Variants in GNA13 observed in about 807,000 individuals in gnomAD.
GNA13 encodes guanine nucleotide-binding protein subunit alpha-13.
GNA13 carries 4 observed loss-of-function variants against 33.5 expected under a neutral mutation model. That is an observed-to-expected ratio of 0.12 (90% CI 0.06 to 0.27). GNA13 has a LOEUF of 0.27. GNA13 is among the 10% of genes least tolerant of loss of function. The pLI is 1.00. For synonymous variants in GNA13, 176 were observed against 183.8 expected, an observed-to-expected ratio of 0.96 and a Z score of 0.34; for missense variants, 319 against 487.2, an observed-to-expected ratio of 0.65 and a Z score of 3.25.
intron 2 of GNA13, among the ~76,000 whole-genome samples, chr17:65,030,627 T>A (rs1269313941): frequency 1.3e-5 from 2 of 152,238 alleles, no homozygotes; most frequent in African/African-American, 4.8e-5. Flanking sequence ...AGAATTTAAT[T>A]GCAGGCCAAT....
intron 1 of GNA13, among the ~76,000 whole-genome samples, chr17:65,054,967 G>C (rs1402060250): frequency 6.8e-6 from 1 of 146,280 alleles, no homozygotes; most frequent in African/African-American, 2.5e-5. Flanking sequence ...GCTGGCTGTG[G>C]TCTAGTGATT....
chr17:65,037,590 A>AG (rs1907294031), intron 2 of GNA13, among the ~76,000 whole-genome samples: 1 of 151,916 alleles, frequency 6.6e-6, no homozygotes, highest in South Asian at 2.1e-4. Flanking sequence ...CACTTCTGCT[A>AG]GGATCTCCTC....
chr17:65,015,347 C>T (rs1420708555), intron 3 of GNA13, among the ~76,000 whole-genome samples: 2 of 152,060 alleles, frequency 1.3e-5, no homozygotes, highest in Non-Finnish European at 2.9e-5. Flanking sequence ...ACCTTCTCCA[C>T]ACTGCTCCTT....
Position 65,056,267 on chromosome 17 carries a change from GC to G in GNA13, c.283+43del, listed in dbSNP as rs773806043. The stretch of plus-strand genomic sequence containing the variant: ...CCGCCCCGCACCCGCCGCCGCCCCA[GC>G]CCCCCTGCCCTTAACCCCCGGCCCC... On this transcript the variant is annotated intron_variant, in intron 1 of 3. Coordinates refer to ENST00000439174, the MANE Select transcript of GNA13 (RefSeq NM_006572.6). 13 of 627,482 alleles carry G rather than the reference GC, an allele frequency of 2.1e-5. 1 individual carries two copies. The highest frequency in any genetic ancestry group is 2.0e-4 in the South Asian group (12 of 60,504). The allele number at this position is 627,482 out of a possible 1,614,324, so 38.9% of individuals were successfully genotyped here.
intron 1 of GNA13, among the ~76,000 whole-genome samples, chr17:65,054,484 TG>T: frequency 6.6e-6 from 1 of 152,238 alleles, no homozygotes; most frequent in Admixed American, 6.5e-5. Context: ...TTTTTGTTTT[TG>T]TTTTTTAATA....
chr17:65,015,708 T>A (rs1279301861), intron 3 of GNA13, among the ~76,000 whole-genome samples: 2 of 147,666 alleles, frequency 1.4e-5, no homozygotes, highest in African/African-American at 5.0e-5. Flanking sequence ...CTGATTCCAG[T>A]GCCAATTCAC....
chr17:65,026,033 A>G (rs1382962960), intron 2 of GNA13, among the ~76,000 whole-genome samples: 3 of 152,078 alleles, frequency 2.0e-5, no homozygotes, highest in Non-Finnish European at 2.9e-5. Flanking sequence ...AAAAAAAATT[A>G]TAAGTAATGT....
intron 2 of GNA13, among the ~76,000 whole-genome samples, chr17:65,047,130 T>C (rs759628500): frequency 8.5e-5 from 13 of 152,190 alleles, no homozygotes; most frequent in Non-Finnish European, 1.6e-4. Flanking sequence ...TTAACGTAAA[T>C]AAACATAAAG....
chr17:65,045,129 A>G (rs1400227343), intron 2 of GNA13, among the ~76,000 whole-genome samples: 1 of 152,130 alleles, frequency 6.6e-6, no homozygotes, highest in Admixed American at 6.5e-5. Flanking sequence ...AATTACATAG[A>G]AGACAGGCAC....
intron 2 of GNA13, among the ~76,000 whole-genome samples, chr17:65,048,538 A>C (rs1907750503): frequency 6.6e-6 from 1 of 152,214 alleles, no homozygotes; most frequent in South Asian, 2.1e-4. Context: ...AAGGTACCTT[A>C]AGTTATAACG....
chr17:65,038,737 T>C (rs1239411706), intron 2 of GNA13, among the ~76,000 whole-genome samples: 3 of 152,294 alleles, frequency 2.0e-5, no homozygotes, highest in East Asian at 1.9e-4. Context: ...CAAAAATACA[T>C]TTAATACATC....
At chr17:65,035,106 T>C (rs1413539721) in intron 2 of GNA13, among the ~76,000 whole-genome samples, 1 of 152,212 alleles carries the variant, frequency 6.6e-6, no homozygotes, top group Non-Finnish European at 1.5e-5. Context: ...AAATTTTAAA[T>C]GTGAGAAAGG....
chr17:65,041,350 G>A (rs1376939252), intron 2 of GNA13, among the ~76,000 whole-genome samples: 6 of 151,580 alleles, frequency 4.0e-5, no homozygotes, highest in Admixed American at 2.0e-4. Context: ...GTTTTTAAAT[G>A]CTAAAATCAA....
chr17:65,014,798 A>C lies in GNA13; in HGVS notation c.593T>G (p.Leu198Arg). The change falls in exon 4 of 4, where the codon CTT becomes CGT. Residue 198 changes from leucine (L) to arginine (R), a missense_variant. By Grantham distance (102) the Leu-to-Arg change is moderately radical (BLOSUM62 -2). Around this residue, in one of 4 missense-constraint regions of GNA13, gnomAD observed 134 missense variants for 241.3 expected, o/e 0.56. Transcript: ENST00000439174. The surrounding 1 kb of genome is among the most constrained non-coding windows in gnomAD (Gnocchi z 5.3). ...GATGCCTTTGGTGGGTCTTCTGGCA[A>C]GCAGAATATCTTGTTGTGATGGAAT... ...DYIPSQQDIL[L>R]ARRPTKGIHE... 1 of 1,612,932 alleles carries C rather than the reference A, an allele frequency of 6.2e-7. No homozygotes were observed. Among genetic ancestry groups the C allele is most frequent in the Non-Finnish European group, 8.5e-7 (1 of 1,179,012 alleles).
intron 2 of GNA13, among the ~76,000 whole-genome samples, chr17:65,023,690 A>G (rs1312103288): frequency 6.6e-6 from 1 of 152,266 alleles, no homozygotes; most frequent in Admixed American, 6.5e-5. Context: ...GTTAAAACAA[A>G]AAGTGAGACT....
chr17:65,035,545 T>G (rs187943144), intron 2 of GNA13, among the ~76,000 whole-genome samples: 5 of 152,310 alleles, frequency 3.3e-5, no homozygotes, highest in Non-Finnish European at 5.9e-5. Context: ...TTTAAAATTT[T>G]AAACTTAAAA....
chr17:65,016,973 G>C (rs1414443476), intron 3 of GNA13, among the ~76,000 whole-genome samples: 1 of 152,120 alleles, frequency 6.6e-6, no homozygotes. Context: ...TGGTCATTAA[G>C]GTTGTTTCCA....
intron 2 of GNA13, among the ~76,000 whole-genome samples, chr17:65,025,579 C>CT (rs1295366368): frequency 1.3e-5 from 2 of 152,164 alleles, no homozygotes; most frequent in Non-Finnish European, 2.9e-5. Flanking sequence ...CAATAGGACT[C>CT]TAAGGAACTT....
intron 2 of GNA13, among the ~76,000 whole-genome samples, chr17:65,038,576 A>ATT (rs1907346570): frequency 6.6e-6 from 1 of 151,704 alleles, no homozygotes; most frequent in East Asian, 1.9e-4. Flanking sequence ...GTACCCAACT[A>ATT]TTTTTCTGTA....
Sources: gnomAD v4.1 joint callset for allele counts (sites outside exome capture counted in the v4.1 genomes callset) on GRCh38, gnomAD v4.1.1 for gene constraint, gnomAD v4.1.1 regional missense constraint, Gnocchi (gnomAD v3.1) non-coding constraint, MANE v1.5 for transcripts, NCBI Gene and HGNC (gene_info 2026-07-23, HGNC 2026-07-21) for gene names.